PDE4A: variants seen among roughly 807,000 people sequenced by gnomAD.
PDE4A encodes 3',5'-cyclic-AMP phosphodiesterase 4A.
A neutral mutation model predicts 73.9 loss-of-function variants in PDE4A; 21 were observed. That is an observed-to-expected ratio of 0.28 (90% CI 0.20 to 0.41). The LOEUF (loss-of-function observed/expected upper bound fraction) is 0.41. PDE4A is among the 10% of genes least tolerant of loss of function. The pLI, the probability that PDE4A is intolerant of heterozygous loss-of-function variation, is 1.00. For synonymous variants in PDE4A, 463 were observed against 505.4 expected, an observed-to-expected ratio of 0.92 and a Z score of 1.13; for missense variants, 958 against 1,211.4, an observed-to-expected ratio of 0.79 and a Z score of 3.10.
intron 1 of PDE4A, among the ~76,000 whole-genome samples, chr19:10,429,487 C>G (rs2042760547): frequency 6.6e-6 from 1 of 152,126 alleles, no homozygotes; most frequent in Admixed American, 6.5e-5. Context: ...CAGGCTCATC[C>G]CACTATGCCC....
In PDE4A at chr19:10,424,829, CCGGTG is replaced by C. The variant is rs2042696824; in HGVS notation, c.320+3746_320+3750del. Among the ~76,000 whole-genome samples, 1 of 152,252 alleles carries C rather than the reference CCGGTG, an allele frequency of 6.6e-6. No homozygotes were observed. The highest frequency in any genetic ancestry group is 6.5e-5 in the Admixed American group (1 of 15,290). ...CGCCTCTGCGCGCTTGCCCGGCAGG[CCGGTG>C]AACCCCAGCATCCTTGGCTCTGCGC... On this transcript the variant is annotated intron_variant, in intron 1 of 14. Coordinates refer to ENST00000380702, the MANE Select transcript of PDE4A (RefSeq NM_001111307.2). The surrounding 1 kb of genome is among the most constrained non-coding windows in gnomAD (Gnocchi z 4.8).
chr19:10,441,657 T>C (rs2042938851), intron 1 of PDE4A, among the ~76,000 whole-genome samples: 1 of 151,904 alleles, frequency 6.6e-6, no homozygotes, highest in South Asian at 2.1e-4. Flanking sequence ...TTGGCTCTTA[T>C]GTTTAGGTAT....
At chr19:10,462,788 C>T (rs2043295388) in intron 13 of PDE4A, among the ~76,000 whole-genome samples, 2 of 152,156 alleles carry the variant, frequency 1.3e-5, no homozygotes, top group African/African-American at 4.8e-5. Context: ...CACCCCCCTT[C>T]CGACTCCTCC....
upstream of PDE4A, chr19:10,418,968 G>A: frequency 1.0e-6 from 1 of 985,276 alleles, no homozygotes; most frequent in African/African-American, 1.7e-5. Context: ...CTGCTGATGG[G>A]GGGGCCGGTT....
chr19:10,432,445 G>C lies in PDE4A; in HGVS notation c.320+11361G>C, dbSNP rs1052542833. 2.0e-6 allele frequency: 3 copies of C among 1,479,122 alleles called. No individual in the cohort carries two copies. The African/African-American group carries it at 4.4e-5, about 22-fold the overall frequency. The allele number at this position is 1,479,122 out of a possible 1,614,324, so 91.6% of individuals were successfully genotyped here. A position where few individuals can be genotyped will look rare whatever the true frequency, so the allele number is the denominator to read the frequency against. On this transcript the variant is annotated intron_variant, in intron 1 of 14. Coordinates refer to ENST00000380702, the MANE Select transcript of PDE4A (RefSeq NM_001111307.2). ...CGGCGCTTGGCTCCCATGCGCTCCG[G>C]TGCAGCGCCCCGGGCCCGGCCCCGG...
In PDE4A at chr19:10,420,863, G is replaced by T; in HGVS notation, c.99G>T (p.Leu33=). Residue 33 remains leucine (L), a synonymous_variant, in exon 1 of 15, where the codon CTG becomes CTT. Transcript: ENST00000380702. This position sits in a 1 kb window ranked among gnomAD's most constrained non-coding sequence, Gnocchi z 6.0. ...CCCTGAAGCCTCCCCCGCAGCACCT[G>T]TGGCGGCAGCCTCGGACCCCCATCC... The part of the protein sequence containing the change: ...QATLKPPPQH[L]WRQPRTPIRI... 6.3e-7 allele frequency: 1 copy of T among 1,589,482 alleles called. No individual in the cohort carries two copies.
At chr19:10,451,987 C>T (rs78442366) in intron 6 of PDE4A, among the ~76,000 whole-genome samples, 4,160 of 148,992 alleles carry the variant, frequency 0.028, 188 homozygotes, top group African/African-American at 0.098. Context: ...GTAGCTGTGT[C>T]TTTGGATATG....
At chr19:10,447,175 C>T (rs2043018650) in intron 2 of PDE4A, among the ~76,000 whole-genome samples, 1 of 146,498 alleles carries the variant, frequency 6.8e-6, no homozygotes. Flanking sequence ...GCTGGGATTA[C>T]AGGCATGAGC....
chr19:10,417,080 T>C, upstream of PDE4A: 1 of 1,487,052 alleles, frequency 6.7e-7, no homozygotes, highest in South Asian at 1.3e-5. Flanking sequence ...TTCCTGAACG[T>C]GGCTTCACTA....
chr19:10,422,975 C>T (rs575559355), intron 1 of PDE4A: 46 of 344,464 alleles, frequency 1.3e-4, no homozygotes, highest in African/African-American at 1.0e-3. Flanking sequence ...TCTTAGGGGA[C>T]AGTGGCTGAG....
At chr19:10,437,940 G>A (rs140999255) in intron 1 of PDE4A, among the ~76,000 whole-genome samples, 15,693 of 151,298 alleles carry the variant, frequency 0.1, 990 homozygotes, top group South Asian at 0.2. Context: ...GAGTAGCTGG[G>A]ACCACAGGCG....
chr19:10,442,480 C>T (rs541872800), intron 1 of PDE4A, among the ~76,000 whole-genome samples: 4 of 152,078 alleles, frequency 2.6e-5, no homozygotes, highest in Non-Finnish European at 4.4e-5. Flanking sequence ...ACCGAGATCG[C>T]GCCACTGCAC....
Position 10,441,684 on chromosome 19 carries a change from A to ATTTTTTTT in PDE4A, c.321-4518_321-4511dup, listed in dbSNP as rs1308151510. Among the ~76,000 whole-genome samples, 8 of 92,724 alleles carry ATTTTTTTT rather than the reference A, an allele frequency of 8.6e-5. 1 individual carries two copies. The highest frequency in any genetic ancestry group is 2.7e-4 in the African/African-American group (6 of 22,198). The allele number at this position is 92,724 out of a possible 152,430, so 60.8% of individuals were successfully genotyped here. ...TTTAGGTATTTGGTCATTTTGAGTT[A>ATTTTTTTT]TTTTTTTTTTTTTTTTTTTTTTTGA... On this transcript the variant is annotated intron_variant, in intron 1 of 14. Coordinates refer to ENST00000380702, the MANE Select transcript of PDE4A (RefSeq NM_001111307.2).
chr19:10,432,582 C>G, intron 1 of PDE4A: 2 of 1,514,774 alleles, frequency 1.3e-6, no homozygotes, highest in Non-Finnish European at 1.8e-6. Context: ...GTGGGTGGCC[C>G]GTGGCCAGTC....
chr19:10,418,183 T>C (rs2042606532), upstream of PDE4A, among the ~76,000 whole-genome samples: 1 of 152,164 alleles, frequency 6.6e-6, no homozygotes, highest in Admixed American at 6.6e-5. Flanking sequence ...TGCACCGGCT[T>C]TCATGTCCCC....
At position 10,453,039 on chromosome 19, in the gene PDE4A, GGGGCCCGTTGGGGCCCAGGGCT is replaced by G. The variant is rs2043117163; in HGVS notation, c.784-1787_784-1766del. 8.2e-6 allele frequency: 11 copies of G among 1,338,816 alleles called. No homozygotes were observed. The highest frequency in any genetic ancestry group is 1.5e-5 in the African/African-American group (1 of 65,222). 82.9% of individuals were successfully genotyped at this position (1,338,816 alleles called of 1,614,324 possible). On this transcript the variant is annotated intron_variant, in intron 6 of 14. Transcript: ENST00000380702. The surrounding 1 kb of genome is among the most constrained non-coding windows in gnomAD (Gnocchi z 4.6). Reference sequence around the variant, plus strand: ...CACCGCCTCCACCCACTGCCGCGGGGGGGCCCGTTGGGGCCCAGGGCTGGCGGGCCATGTAACCAGGGCTGCT... The same window carrying G: ...CACCGCCTCCACCCACTGCCGCGGGGGGCGGGCCATGTAACCAGGGCTGCT...
rs958188734 is a variant in PDE4A, at chr19:10,453,130, C to T, written c.784-1699C>T. 57 of 1,380,086 alleles carry T rather than the reference C, an allele frequency of 4.1e-5. No individual in the cohort carries two copies. Among genetic ancestry groups the T allele is most frequent in the Non-Finnish European group, 4.6e-5 (49 of 1,067,896 alleles). The allele number at this position is 1,380,086 out of a possible 1,614,324, so 85.5% of individuals were successfully genotyped here. A position where few individuals can be genotyped will look rare whatever the true frequency, so the allele number is the denominator to read the frequency against. On this transcript the variant is annotated intron_variant, in intron 6 of 14. Coordinates refer to ENST00000380702, the MANE Select transcript of PDE4A (RefSeq NM_001111307.2). This position sits in a 1 kb window ranked among gnomAD's most constrained non-coding sequence, Gnocchi z 4.6. Reference sequence around the variant, plus strand: ...AAGGGAGCCCCCAGCCCTGCTGGGCCGGCCCAGGCCCCTCCGCGGCTCCCC... The same window carrying T: ...AAGGGAGCCCCCAGCCCTGCTGGGCTGGCCCAGGCCCCTCCGCGGCTCCCC...
chr19:10,440,846 C>T (rs1186620400), intron 1 of PDE4A, among the ~76,000 whole-genome samples: 1 of 151,074 alleles, frequency 6.6e-6, no homozygotes, highest in Non-Finnish European at 1.5e-5. Flanking sequence ...GATCCACCCA[C>T]CTCGGCCTCC....
intron 1 of PDE4A, among the ~76,000 whole-genome samples, chr19:10,422,926 T>A (rs1288457907): frequency 6.6e-6 from 1 of 152,090 alleles, no homozygotes; most frequent in African/African-American, 2.4e-5. Flanking sequence ...TTTGCAAGGC[T>A]CCAGGGACTC....
Sources: gnomAD v4.1 joint callset for allele counts (sites outside exome capture counted in the v4.1 genomes callset) on GRCh38, gnomAD v4.1.1 for gene constraint, Gnocchi (gnomAD v3.1) non-coding constraint, MANE v1.5 for transcripts, NCBI Gene and HGNC (gene_info 2026-07-23, HGNC 2026-07-21) for gene names.